The following CHSY3 variants were observed in gnomAD, a reference collection of about 807,000 sequenced individuals.
CHSY3 encodes the protein chondroitin sulfate synthase 3, also known as N-acetylgalactosaminyl-proteoglycan 3-beta-glucuronosyltransferase 3.
CHSY3 carries 35 observed loss-of-function variants against 67.2 expected under a neutral mutation model. The observed-to-expected ratio is 0.52, with a 90% CI of 0.40 to 0.69. The LOEUF is 0.69. CHSY3 is among the 30% of genes least tolerant of loss of function. The pLI is 0.00. For missense variants in CHSY3, 1,069 were observed against 1,138.5 expected (o/e 0.94, Z 0.88); for synonymous variants, 474 against 434.7 (o/e 1.09, Z -1.12).
intron 2 of CHSY3, among the ~76,000 whole-genome samples, chr5:130,013,476 C>T (rs139745475): frequency 0.011 from 1,681 of 152,300 alleles, 21 homozygotes; most frequent in African/African-American, 0.032. Context: ...TCCATACATC[C>T]TCTGAAATCT....
intron 2 of CHSY3, among the ~76,000 whole-genome samples, chr5:130,040,915 T>C (rs1364912862): frequency 2.6e-5 from 4 of 152,030 alleles, no homozygotes; most frequent in African/African-American, 7.2e-5. Context: ...GAAAATACTG[T>C]TTAGTAAGCT....
At chr5:130,129,062 A>G (rs1029628122) in intron 2 of CHSY3, among the ~76,000 whole-genome samples, 3 of 152,254 alleles carry the variant, frequency 2.0e-5, no homozygotes, top group Middle Eastern at 3.4e-3. Context: ...TGATGCACAT[A>G]GAAACTAGGG....
intron 2 of CHSY3, among the ~76,000 whole-genome samples, chr5:130,138,533 G>A (rs1457860142): frequency 2.6e-5 from 4 of 152,186 alleles, no homozygotes; most frequent in African/African-American, 9.7e-5. Context: ...CAGGCAAGAA[G>A]GTTAGACAGA....
intron 2 of CHSY3, among the ~76,000 whole-genome samples, chr5:130,181,189 TG>T (rs1770232489): frequency 6.6e-6 from 1 of 152,194 alleles, no homozygotes; most frequent in Non-Finnish European, 1.5e-5. Context: ...TGTAATGTTC[TG>T]GAGGTTCCAT....
intron 2 of CHSY3, among the ~76,000 whole-genome samples, chr5:130,148,634 C>A (rs1769142745): frequency 6.6e-6 from 1 of 152,134 alleles, no homozygotes; most frequent in Admixed American, 6.6e-5. Flanking sequence ...ATTTGCATTT[C>A]TCTAATGATC....
At chr5:130,054,193 C>G (rs192942374) in intron 2 of CHSY3, among the ~76,000 whole-genome samples, 131 of 152,122 alleles carry the variant, frequency 8.6e-4, no homozygotes, top group African/African-American at 3.0e-3. Context: ...TTTCGCTGTG[C>G]CCATTCTCTT....
chr5:130,159,446 T>C (rs1769466235), intron 2 of CHSY3, among the ~76,000 whole-genome samples: 1 of 152,202 alleles, frequency 6.6e-6, no homozygotes, highest in Non-Finnish European at 1.5e-5. Context: ...ATTACAGGCT[T>C]GAGCCACTGT....
chr5:130,071,466 A>G (rs1766063168), intron 2 of CHSY3, among the ~76,000 whole-genome samples: 1 of 151,946 alleles, frequency 6.6e-6, no homozygotes, highest in Non-Finnish European at 1.5e-5. Flanking sequence ...GGAGAAAACA[A>G]AACAGTTTAT....
chr5:129,975,276 G>A (rs569688327), intron 2 of CHSY3, among the ~76,000 whole-genome samples: 19 of 151,850 alleles, frequency 1.3e-4, no homozygotes, highest in African/African-American at 3.9e-4. Flanking sequence ...TTGTTACCTC[G>A]GATACAATTA....
rs145716348 is a variant in CHSY3, at chr5:130,061,892, C to CAA, written c.1087-122328_1087-122327dup. ...GTCAAAATGGCTATTATTAAAAAGT[C>CAA]AAAAAAAAAACAGATATTGGCATGG... is the stretch of plus-strand genomic sequence containing the variant. On this transcript the variant is annotated intron_variant, in intron 2 of 2. Transcript: ENST00000305031. Among the ~76,000 whole-genome samples the CAA allele has an allele frequency of 6.6e-3, 942 of 142,712 alleles. 10 individuals are homozygous for CAA. Among genetic ancestry groups the CAA allele is most frequent in the African/African-American group, 0.023 (906 of 39,646 alleles). 93.6% of individuals were successfully genotyped at this position (142,712 alleles called of 152,430 possible). A position where few individuals can be genotyped will look rare whatever the true frequency, so the allele number is the denominator to read the frequency against.
At chr5:129,983,334 G>A (rs1352336193) in intron 2 of CHSY3, among the ~76,000 whole-genome samples, 1 of 151,996 alleles carries the variant, frequency 6.6e-6, no homozygotes, top group South Asian at 2.1e-4. Flanking sequence ...GAGACAGTGT[G>A]ATTAGGTCAA....
intron 2 of CHSY3, among the ~76,000 whole-genome samples, chr5:130,142,421 T>A (rs761884268): frequency 2.0e-4 from 30 of 152,232 alleles, no homozygotes; most frequent in Non-Finnish European, 3.8e-4. Flanking sequence ...TTCATAATTT[T>A]TCTTTTCCAA....
At chr5:129,919,008 G>A (rs1182748680) in intron 2 of CHSY3, among the ~76,000 whole-genome samples, 10 of 148,148 alleles carry the variant, frequency 6.8e-5, no homozygotes, top group Admixed American at 2.7e-4. Context: ...TCGGGAGGCT[G>A]AGGCAGGAGA....
At chr5:130,040,852 T>C (rs1254498380) in intron 2 of CHSY3, among the ~76,000 whole-genome samples, 1 of 152,120 alleles carries the variant, frequency 6.6e-6, no homozygotes, top group African/African-American at 2.4e-5. Context: ...GATCCCTTTG[T>C]GAGGCCCCTA....
chr5:129,974,657 G>T (rs1211250414), intron 2 of CHSY3, among the ~76,000 whole-genome samples: 2 of 152,108 alleles, frequency 1.3e-5, no homozygotes, highest in Non-Finnish European at 2.9e-5. Context: ...GGCTGGTGCA[G>T]AGAATGAGAT....
At position 130,148,434 on chromosome 5, in the gene CHSY3, C is replaced by T. The variant is rs182906397; in HGVS notation, c.1087-35795C>T. Among the ~76,000 whole-genome samples, 15 of 152,226 alleles carry T rather than the reference C, an allele frequency of 9.9e-5. No individual in the cohort carries two copies. In the South Asian group the frequency reaches 1.5e-3, roughly 15 times the overall value. On this transcript the variant is annotated intron_variant, in intron 2 of 2. Transcript: ENST00000305031. ...CCAGTAATGGGATTGCTGGGTAGAA[C>T]GGTAGCTCTGCTTTCAGGTCTCTGA... is the stretch of plus-strand genomic sequence containing the variant.
chr5:129,968,524 G>C (rs1271999760), intron 2 of CHSY3, among the ~76,000 whole-genome samples: 2 of 151,624 alleles, frequency 1.3e-5, no homozygotes, highest in African/African-American at 4.8e-5. Context: ...CATTTAACTT[G>C]GGAGAAACAG....
intron 2 of CHSY3, among the ~76,000 whole-genome samples, chr5:130,124,888 G>A (rs1418231176): frequency 6.6e-6 from 1 of 152,162 alleles, no homozygotes; most frequent in Non-Finnish European, 1.5e-5. Context: ...CTTCAAATTT[G>A]GCTCCAAGTG....
Sources: gnomAD v4.1 joint callset for allele counts (sites outside exome capture counted in the v4.1 genomes callset) on GRCh38, gnomAD v4.1.1 for gene constraint, MANE v1.5 for transcripts, NCBI Gene and HGNC (gene_info 2026-07-23, HGNC 2026-07-21) for gene names.